Variants in CTNNA2 observed in about 807,000 individuals in gnomAD.
CTNNA2 encodes catenin alpha 2.
Under a neutral mutation model 101.0 loss-of-function variants are expected in CTNNA2, and 42 were observed. The observed-to-expected ratio is 0.42, with a 90% CI of 0.32 to 0.54. The LOEUF is 0.54. Ranked by LOEUF, CTNNA2 falls within the 20% of genes least tolerant of loss-of-function variation. CTNNA2 has a pLI of 0.14. For missense variants in CTNNA2, 871 were observed against 1,223.1 expected (o/e 0.71, Z 4.29); for synonymous variants, 450 against 456.4 (o/e 0.99, Z 0.18).
chr2:79,994,716 A>G (rs1326221308), intron 7 of CTNNA2, among the ~76,000 whole-genome samples: 1 of 152,184 alleles, frequency 6.6e-6, no homozygotes, highest in Non-Finnish European at 1.5e-5. Flanking sequence ...TGCAAAAAAA[A>G]AGCTTTTGGT....
chr2:80,643,551 G>A (rs1290840578), intron 18 of CTNNA2, among the ~76,000 whole-genome samples: 1 of 152,098 alleles, frequency 6.6e-6, no homozygotes, highest in African/African-American at 2.4e-5. Flanking sequence ...AATATAAAAG[G>A]CCCTTAACCA....
intron 7 of CTNNA2, among the ~76,000 whole-genome samples, chr2:80,131,508 A>G (rs190253906): frequency 6.5e-4 from 99 of 152,300 alleles, no homozygotes; most frequent in Admixed American, 1.5e-3. Context: ...TATTTCTAAG[A>G]GATTTTTGTT....
intron 7 of CTNNA2, among the ~76,000 whole-genome samples, chr2:80,262,154 T>C (rs1245345370): frequency 3.9e-5 from 6 of 152,202 alleles, no homozygotes; most frequent in Non-Finnish European, 8.8e-5. Flanking sequence ...ATTAACATTT[T>C]GGTGCCTGTT....
At chr2:79,549,358 T>C (rs1241267740) in intron 1 of CTNNA2, among the ~76,000 whole-genome samples, 1 of 152,192 alleles carries the variant, frequency 6.6e-6, no homozygotes. Flanking sequence ...ATGCAAAGCA[T>C]TGCGCTTTCT....
chr2:80,558,168 G>C (rs917968773), intron 12 of CTNNA2, among the ~76,000 whole-genome samples: 1 of 152,182 alleles, frequency 6.6e-6, no homozygotes, highest in Non-Finnish European at 1.5e-5. Flanking sequence ...TCAAGGAAAA[G>C]TGGGTGTCAG....
intron 7 of CTNNA2, among the ~76,000 whole-genome samples, chr2:80,131,463 T>A (rs185444988): frequency 1.1e-3 from 164 of 152,276 alleles, no homozygotes; most frequent in Middle Eastern, 3.4e-3. Context: ...AAATTAAAAG[T>A]TTATAAAATG....
At chr2:79,880,732 T>C (rs1184445615) in intron 6 of CTNNA2, among the ~76,000 whole-genome samples, 1 of 152,092 alleles carries the variant, frequency 6.6e-6, no homozygotes, top group Non-Finnish European at 1.5e-5. Flanking sequence ...GTCTAGTTAG[T>C]GGTTTATCTA....
intron 4 of CTNNA2, among the ~76,000 whole-genome samples, chr2:79,455,960 G>T (rs1476454713): frequency 2.0e-5 from 3 of 151,864 alleles, no homozygotes; most frequent in Non-Finnish European, 2.9e-5. Context: ...ATCTTACAAA[G>T]GTTGAGAGTA....
Position 79,826,164 on chromosome 2 carries a change from A to G in CTNNA2, c.299-31849A>G, listed in dbSNP as rs866925420. On this transcript the variant is annotated intron_variant, in intron 3 of 18. Coordinates refer to ENST00000402739, the MANE Select transcript of CTNNA2 (RefSeq NM_001282597.3). Reference sequence around the variant, plus strand: ...TTACTCTGCATATTTGTAGTAGTCAATGTAAAATAAAAAGAAAAAAAACAG... The same window carrying G: ...TTACTCTGCATATTTGTAGTAGTCAGTGTAAAATAAAAAGAAAAAAAACAG... Among the ~76,000 whole-genome samples the G allele has an allele frequency of 4.6e-5, 7 of 152,110 alleles. No individual in the cohort carries two copies. The South Asian group carries it at 1.2e-3, about 27-fold the overall frequency.
chr2:79,470,910 A>T (rs778885176), intron 4 of CTNNA2, among the ~76,000 whole-genome samples: 2 of 152,282 alleles, frequency 1.3e-5, no homozygotes, highest in Non-Finnish European at 2.9e-5. Flanking sequence ...CTAAAAGGTT[A>T]ATCTTCTTAA....
intron 2 of CTNNA2, among the ~76,000 whole-genome samples, chr2:79,256,455 A>C (rs901868429): frequency 6.6e-6 from 1 of 151,002 alleles, no homozygotes; most frequent in Non-Finnish European, 1.5e-5. Context: ...TGAAATGAAT[A>C]AATGAGAGAG....
At chr2:79,376,914 T>C (rs1677984785) in intron 4 of CTNNA2, among the ~76,000 whole-genome samples, 1 of 152,220 alleles carries the variant, frequency 6.6e-6, no homozygotes, top group Non-Finnish European at 1.5e-5. Context: ...GTTCCAAGTC[T>C]TTGCTATTGT....
At chr2:79,243,264 T>C (rs573901380) in intron 2 of CTNNA2, among the ~76,000 whole-genome samples, 24 of 152,158 alleles carry the variant, frequency 1.6e-4, no homozygotes, top group African/African-American at 5.8e-4. Flanking sequence ...GAAATTGTAG[T>C]TAAGGGAACT....
At chr2:80,593,453 C>G (rs1173295343) in intron 15 of CTNNA2, among the ~76,000 whole-genome samples, 1 of 152,134 alleles carries the variant, frequency 6.6e-6, no homozygotes, top group African/African-American at 2.4e-5. Context: ...CTGTCCAATA[C>G]AGTAGCCACT....
At chr2:79,348,607 TTA>T (rs1224297282) in intron 3 of CTNNA2, among the ~76,000 whole-genome samples, 1 of 152,204 alleles carries the variant, frequency 6.6e-6, no homozygotes, top group Non-Finnish European at 1.5e-5. Flanking sequence ...AAATTTGTGG[TTA>T]TGTGTCTGCT....
Position 80,040,346 on chromosome 2 carries a change from G to A in CTNNA2, c.1056+130549G>A, listed in dbSNP as rs116024116. Among the ~76,000 whole-genome samples, 5 of 152,300 alleles carry A rather than the reference G, an allele frequency of 3.3e-5. No homozygotes were observed. The East Asian group carries it at 9.6e-4, about 29-fold the overall frequency. ...CTCCCTCTGAAAAATACTGTGGGCA[G>A]ACTTGATTGATATTTGACAAATGAG... On this transcript the variant is annotated intron_variant, in intron 7 of 18. Coordinates refer to ENST00000402739, the MANE Select transcript of CTNNA2 (RefSeq NM_001282597.3).
intron 4 of CTNNA2, among the ~76,000 whole-genome samples, chr2:79,420,178 C>T (rs888843329): frequency 6.6e-6 from 1 of 152,104 alleles, no homozygotes; most frequent in Non-Finnish European, 1.5e-5. Context: ...CAAAAGACAG[C>T]AAGAGCCTAG....
intron 16 of CTNNA2, chr2:80,605,173 T>C (rs1425078524): frequency 6.6e-6 from 1 of 152,012 alleles, no homozygotes; most frequent in Non-Finnish European, 1.5e-5. Context: ...TGAATGTTTA[T>C]TTCCATACTT....
chr2:79,787,397 G>T (rs569500872), intron 3 of CTNNA2, among the ~76,000 whole-genome samples: 1 of 152,106 alleles, frequency 6.6e-6, no homozygotes, highest in East Asian at 1.9e-4. Context: ...GACACAGGGA[G>T]GAGTAGTAAA....
Sources: allele counts gnomAD v4.1 joint callset (sites outside exome capture counted in the v4.1 genomes callset), GRCh38; gene constraint gnomAD v4.1.1; transcripts MANE v1.5; gene names NCBI Gene and HGNC (gene_info 2026-07-23, HGNC 2026-07-21).